The following TJP1 variants were observed in gnomAD, a reference collection of about 807,000 sequenced individuals.
TJP1 encodes tight junction protein ZO-1.
In TJP1, 43 loss-of-function variants were observed where a neutral mutation model predicts 194.2. That is an observed-to-expected ratio of 0.22 (90% confidence interval 0.17 to 0.29). The LOEUF (loss-of-function observed/expected upper bound fraction) is 0.29. Among genes scored for constraint, TJP1 ranks in the 10% least tolerant of loss-of-function variants. TJP1 has a pLI of 1.00. For missense variants in TJP1, 1,971 were observed against 2,185.7 expected (o/e 0.90, Z 1.96); for synonymous variants, 801 against 779.0 (o/e 1.03, Z -0.47).
chr15:29,769,077 C>G (rs11857601), intron 4 of TJP1, among the ~76,000 whole-genome samples: 3,335 of 152,156 alleles, frequency 0.022, 123 homozygotes, highest in African/African-American at 0.077. Flanking sequence ...CAAACACAAA[C>G]AACTTACAAG....
At position 29,790,527 on chromosome 15, in the gene TJP1, C is replaced by G. The variant is rs1009748095; in HGVS notation, c.84+10119G>C. On this transcript the variant is annotated intron_variant, in intron 2 of 27. Coordinates refer to ENST00000614355, the MANE Select transcript of TJP1 (RefSeq NM_001330239.4). ...GATATTCATAACCTCAAGTATTTAT[C>G]ATTTCTTTGCTGTTACGAACATTTC... Among the ~76,000 whole-genome samples, 5 of 152,252 alleles carry G rather than the reference C, an allele frequency of 3.3e-5. No homozygotes were observed. In the East Asian group the frequency reaches 9.6e-4, roughly 29 times the overall value.
chr15:29,815,077 T>C (rs920817707), intron 1 of TJP1, among the ~76,000 whole-genome samples: 4 of 152,204 alleles, frequency 2.6e-5, no homozygotes, highest in African/African-American at 7.2e-5. Context: ...TAAAACTCCC[T>C]ACCCACGTAT....
At chr15:29,731,047 C>T in intron 15 of TJP1, 2 of 808,184 alleles carry the variant, frequency 2.5e-6, no homozygotes, top group Admixed American at 1.9e-5. Flanking sequence ...ATACTTTTAT[C>T]AAGTTTTATA....
intron 1 of TJP1, among the ~76,000 whole-genome samples, chr15:29,956,827 T>C (rs556846129): frequency 6.6e-6 from 1 of 152,274 alleles, no homozygotes; most frequent in African/African-American, 2.4e-5. Flanking sequence ...AGGTCAAGGC[T>C]ACAGTGAGCC....
chr15:29,762,550 C>T (rs2046074251), intron 5 of TJP1, 112 bp from the exon 6 acceptor site: 2 of 683,026 alleles, frequency 2.9e-6, no homozygotes, highest in Non-Finnish European at 4.7e-6. Flanking sequence ...CAAGTACAAT[C>T]AATAACAAGA....
At chr15:29,801,063 CTT>C (rs1377219899) in intron 1 of TJP1, among the ~76,000 whole-genome samples, 1 of 152,180 alleles carries the variant, frequency 6.6e-6, no homozygotes, top group South Asian at 2.1e-4. Flanking sequence ...AAAAGCATCT[CTT>C]ATGTTTTACA....
intron 2 of TJP1, among the ~76,000 whole-genome samples, chr15:29,948,721 A>G (rs879663000): frequency 1.1e-4 from 16 of 152,126 alleles, no homozygotes; most frequent in Non-Finnish European, 1.6e-4. Context: ...GGATTCAATT[A>G]GCCCTGAAGA....
chr15:29,849,415 C>T (rs1255441429), intron 2 of TJP1, among the ~76,000 whole-genome samples: 2 of 148,712 alleles, frequency 1.3e-5, no homozygotes, highest in African/African-American at 5.0e-5. Flanking sequence ...TAGTGACTCA[C>T]TTCTTTTTAA....
At chr15:29,810,167 A>AT (rs1313762607) in intron 1 of TJP1, among the ~76,000 whole-genome samples, 5 of 152,188 alleles carry the variant, frequency 3.3e-5, no homozygotes, top group Non-Finnish European at 7.4e-5. Context: ...GTACTAACAG[A>AT]TGAAAAGATA....
chr15:29,719,835 G>A lies in TJP1; in HGVS notation c.2945C>T (p.Ala982Val). The A allele has an allele frequency of 6.2e-7, 1 of 1,614,198 alleles. No homozygotes were observed. Reference sequence around the variant, plus strand: ...TTCTTGATCTCTTAGCATTATGTGAGCTGCCTCAGTACTTGGTGTTCTTAA... The same window carrying A: ...TTCTTGATCTCTTAGCATTATGTGAACTGCCTCAGTACTTGGTGTTCTTAA... ...DSLRTPSTEA[A>V]HIMLRDQEPS... The change falls in exon 20 of 28, where the codon GCT becomes GTT. Residue 982 changes from alanine to valine, a missense_variant. Coordinates refer to ENST00000614355, the MANE Select transcript of TJP1 (RefSeq NM_001330239.4).
intron 8 of TJP1, among the ~76,000 whole-genome samples, chr15:29,752,885 A>G (rs966933193): frequency 1.3e-5 from 2 of 152,152 alleles, no homozygotes; most frequent in Non-Finnish European, 2.9e-5. Flanking sequence ...CATGGGCTAT[A>G]TTGCTGCCCT....
chr15:29,938,810 G>A (rs2054969591), intron 2 of TJP1, among the ~76,000 whole-genome samples: 1 of 152,220 alleles, frequency 6.6e-6, no homozygotes, highest in Non-Finnish European at 1.5e-5. Context: ...GCAAGACGTA[G>A]CAAGAATGAA....
rs765695535 is a variant in TJP1, at chr15:29,761,668, C to T, written c.795G>A (p.Arg265=). The change falls in exon 7 of 28, where the codon CGG becomes CGA. Residue 265 remains arginine (R), a synonymous_variant. Coordinates refer to ENST00000614355, the MANE Select transcript of TJP1 (RefSeq NM_001330239.4). ...KLKMVVQRDE[R]ATLLNVPDLS... is the part of the protein sequence containing the mutation. ...GATCAGGGACATTCAATAGCGTAGC[C>T]CGTTCATCTCTTTGAACTACCATTT... 116 of 1,610,908 alleles carry T rather than the reference C, an allele frequency of 7.2e-5. No individual in the cohort carries two copies. Among genetic ancestry groups the T allele is most frequent in the Non-Finnish European group, 9.6e-5 (113 of 1,177,556 alleles).
chr15:29,754,486 C>A (rs1222797252), intron 8 of TJP1, among the ~76,000 whole-genome samples: 1 of 152,008 alleles, frequency 6.6e-6, no homozygotes, highest in African/African-American at 2.4e-5. Flanking sequence ...ACGTAACAAA[C>A]CTGCATATGT....
chr15:29,860,155 A>G (rs2152100069), intron 2 of TJP1, among the ~76,000 whole-genome samples: 1 of 152,310 alleles, frequency 6.6e-6, no homozygotes, highest in East Asian at 1.9e-4. Context: ...TCTGGGAGTC[A>G]GAGCCCACAG....
intron 2 of TJP1, among the ~76,000 whole-genome samples, chr15:29,842,123 G>T (rs1384239490): frequency 6.6e-6 from 1 of 152,122 alleles, no homozygotes; most frequent in East Asian, 1.9e-4. Context: ...TAGAGTCTTA[G>T]AAACTGCCAC....
At chr15:29,741,235 T>A in intron 10 of TJP1, 96 bp downstream of exon 10, 2 of 884,350 alleles carry the variant, frequency 2.3e-6, no homozygotes, top group Non-Finnish European at 3.5e-6. Flanking sequence ...TGTACTATTT[T>A]AAAAAATATA....
In TJP1 at chr15:29,779,680, A is replaced by G. The variant is rs551301158; in HGVS notation, c.85-6323T>C. 3.0e-4 allele frequency among the ~76,000 whole-genome samples: 45 copies of G among 152,338 alleles called. No homozygotes were observed. In the Middle Eastern group the frequency reaches 0.014, roughly 46 times the overall value. On this transcript the variant is annotated intron_variant, in intron 2 of 27. Transcript: ENST00000614355. ...TAACTTTAATTCTATTTCCCTTTAT[A>G]GAGACTCTTTTTTTAAACTAGCCCT...
intron 2 of TJP1, among the ~76,000 whole-genome samples, chr15:29,920,527 C>T (rs17672188): frequency 0.27 from 41,726 of 152,166 alleles, 6,576 homozygotes; most frequent in Non-Finnish European, 0.36. Context: ...AGCATTATGA[C>T]TAGTTCCCCG....
Sources: gnomAD v4.1 joint callset for allele counts (sites outside exome capture counted in the v4.1 genomes callset) on GRCh38, gnomAD v4.1.1 for gene constraint, MANE v1.5 for transcripts, NCBI Gene and HGNC (gene_info 2026-07-23, HGNC 2026-07-21) for gene names.